Variants in IPO11 observed in about 807,000 individuals in gnomAD.
IPO11 encodes the protein importin 11.
A neutral mutation model predicts 143.2 loss-of-function variants in IPO11; 66 were observed. The ratio of observed to expected loss-of-function variants is 0.46; its 90% CI spans 0.38 to 0.57. IPO11 has a LOEUF of 0.57. IPO11 is among the 20% of genes least tolerant of loss of function. IPO11 has a pLI of 0.00. For synonymous variants in IPO11, 385 were observed against 377.8 expected (o/e 1.02, Z -0.22); for missense variants, 1,026 against 1,141.0 (o/e 0.90, Z 1.45).
At chr5:62,576,641 A>T (rs2112393919) in intron 27 of IPO11, among the ~76,000 whole-genome samples, 1 of 151,700 alleles carries the variant, frequency 6.6e-6, no homozygotes, top group African/African-American at 2.4e-5. Context: ...AATAAGAAAA[A>T]GCATGGTGGC....
At chr5:62,594,523 T>A (rs1375445019) in intron 28 of IPO11, among the ~76,000 whole-genome samples, 1 of 152,176 alleles carries the variant, frequency 6.6e-6, no homozygotes, top group East Asian at 1.9e-4. Context: ...TTGACTGAGG[T>A]CTACCCACAT....
Position 62,627,138 on chromosome 5 carries a change from T to G in IPO11, c.2764-16T>G. On this transcript the variant is annotated splice_polypyrimidine_tract_variant and intron_variant, in intron 29 of 29. Transcript: ENST00000325324. ...TTTGCTTTTTTGACAGTCTTGCTCC[T>G]CTCTGTATCCCACAGCTGGCCCTGA... 1 of 1,609,628 alleles carries G rather than the reference T, an allele frequency of 6.2e-7. No homozygotes were observed. The highest frequency in any genetic ancestry group is 1.1e-5 in the South Asian group (1 of 90,456).
intron 19 of IPO11, among the ~76,000 whole-genome samples, chr5:62,508,061 T>C (rs13173287): frequency 6.6e-6 from 1 of 152,220 alleles, no homozygotes; most frequent in South Asian, 2.1e-4. Flanking sequence ...CATATATCCC[T>C]TAACTCTCTT....
chr5:62,587,819 C>T (rs1242590724), intron 27 of IPO11, among the ~76,000 whole-genome samples: 4 of 152,140 alleles, frequency 2.6e-5, no homozygotes, highest in Non-Finnish European at 5.9e-5. Context: ...GCAAGTGAGG[C>T]ACAGAGAGGT....
intron 12 of IPO11, 116 bp from the exon 13 acceptor site, chr5:62,487,654 AG>A (rs1746460030): frequency 9.0e-7 from 1 of 1,113,124 alleles, no homozygotes; most frequent in South Asian, 4.0e-5. Context: ...ACAAATCAAA[AG>A]TTGGAAACAT....
At chr5:62,588,313 A>C (rs1285965171) in intron 27 of IPO11, among the ~76,000 whole-genome samples, 2 of 151,710 alleles carry the variant, frequency 1.3e-5, no homozygotes, top group Non-Finnish European at 1.5e-5. Context: ...TGCAGCCTTG[A>C]ACTCCTGGCC....
intron 1 of IPO11, among the ~76,000 whole-genome samples, chr5:62,415,267 G>A (rs189806277): frequency 1.2e-3 from 184 of 152,032 alleles, no homozygotes; most frequent in African/African-American, 4.1e-3. Context: ...GGGTTCAAGC[G>A]GTTCTCCTGC....
chr5:62,527,325 A>G (rs750045307), intron 21 of IPO11, among the ~76,000 whole-genome samples: 3 of 152,210 alleles, frequency 2.0e-5, no homozygotes, highest in Non-Finnish European at 2.9e-5. Flanking sequence ...TTTCTAAGTC[A>G]CACAGTCTTT....
At chr5:62,598,078 C>T (rs1745293982) in intron 28 of IPO11, among the ~76,000 whole-genome samples, 1 of 152,144 alleles carries the variant, frequency 6.6e-6, no homozygotes, top group Non-Finnish European at 1.5e-5. Flanking sequence ...TCAAGGCAAT[C>T]CTTTTCTGGA....
chr5:62,483,977 T>C, intron 10 of IPO11, 33 bp from the exon 11 acceptor site: 1 of 1,568,022 alleles, frequency 6.4e-7, no homozygotes, highest in African/African-American at 1.4e-5. Context: ...AATGTTTGGC[T>C]ATACAATTAA....
At chr5:62,432,966 G>C (rs895326078) in intron 1 of IPO11, among the ~76,000 whole-genome samples, 1 of 152,180 alleles carries the variant, frequency 6.6e-6, no homozygotes, top group East Asian at 1.9e-4. Flanking sequence ...CAATTAGCAA[G>C]TAATCTGTGG....
At chr5:62,591,551 C>A (rs370219019) in intron 27 of IPO11, 26 bp from the exon 28 acceptor site, 3 of 1,323,102 alleles carry the variant, frequency 2.3e-6, no homozygotes, top group South Asian at 1.3e-5. Flanking sequence ...TTCCAGTTAA[C>A]CTGTTTTGCT....
intron 27 of IPO11, among the ~76,000 whole-genome samples, chr5:62,577,520 C>T (rs1305993988): frequency 6.6e-6 from 1 of 152,072 alleles, no homozygotes; most frequent in Non-Finnish European, 1.5e-5. Flanking sequence ...CTTCATATCA[C>T]CTTGTATATT....
At chr5:62,560,336 G>A (rs1384077226) in intron 26 of IPO11, among the ~76,000 whole-genome samples, 1 of 152,156 alleles carries the variant, frequency 6.6e-6, no homozygotes, top group Non-Finnish European at 1.5e-5. Context: ...TTGCATAGCA[G>A]GCTGGAAACT....
intron 28 of IPO11, 40 bp from the exon 29 acceptor site, chr5:62,601,724 C>A: frequency 9.1e-7 from 1 of 1,098,622 alleles, no homozygotes; most frequent in Non-Finnish European, 1.3e-6. Context: ...GTATTATAGA[C>A]ATTTTTATTT....
At chr5:62,504,563 TA>T in intron 16 of IPO11, 103 bp from the exon 17 acceptor site, 1 of 657,580 alleles carries the variant, frequency 1.5e-6, no homozygotes, top group Non-Finnish European at 2.6e-6. Flanking sequence ...ACTCTAATAA[TA>T]ATAAGAGTAC....
chr5:62,443,977 C>G (rs1322278798), intron 3 of IPO11, among the ~76,000 whole-genome samples: 1 of 152,126 alleles, frequency 6.6e-6, no homozygotes, highest in East Asian at 1.9e-4. Context: ...CCTTTTTTCT[C>G]AGTCTGAATA....
intron 24 of IPO11, among the ~76,000 whole-genome samples, chr5:62,545,276 G>A (rs1304941696): frequency 2.0e-5 from 3 of 152,088 alleles, no homozygotes; most frequent in African/African-American, 7.2e-5. Flanking sequence ...ACATAACAGA[G>A]TCCTCAGAAA....
chr5:62,624,294 A>G (rs1219562001), intron 29 of IPO11, among the ~76,000 whole-genome samples: 2 of 152,034 alleles, frequency 1.3e-5, no homozygotes, highest in East Asian at 3.9e-4. Flanking sequence ...TCAACCTCCC[A>G]AAGTGCTGGG....
Sources: allele counts gnomAD v4.1 joint callset (sites outside exome capture counted in the v4.1 genomes callset), GRCh38; gene constraint gnomAD v4.1.1; transcripts MANE v1.5; gene names NCBI Gene and HGNC (gene_info 2026-07-23, HGNC 2026-07-21).